TSPAN13: variants seen among roughly 807,000 people sequenced by gnomAD.
TSPAN13 encodes the protein tetraspanin 13.
A neutral mutation model predicts 26.9 loss-of-function variants in TSPAN13; 18 were observed. The observed-to-expected ratio is 0.67, with a 90% CI of 0.46 to 0.99. TSPAN13 has a LOEUF of 0.99. Among genes scored for constraint, TSPAN13 ranks in the 50% least tolerant of loss-of-function variants. TSPAN13 has a pLI of 0.00. For missense variants in TSPAN13, 201 were observed against 249.6 expected (o/e 0.81, Z 1.31); for synonymous variants, 116 against 98.4 (o/e 1.18, Z -1.06).
At chr7:16,779,875 T>C (rs991199003) in intron 5 of TSPAN13, among the ~76,000 whole-genome samples, 3 of 150,952 alleles carry the variant, frequency 2.0e-5, no homozygotes, top group Admixed American at 6.6e-5. Flanking sequence ...GGGTTCACGC[T>C]ATTCTCCTGT....
intron 1 of TSPAN13, among the ~76,000 whole-genome samples, chr7:16,768,538 A>G (rs983631800): frequency 6.6e-6 from 1 of 152,242 alleles, no homozygotes; most frequent in African/African-American, 2.4e-5. Context: ...TAAAACCCTT[A>G]TAATACTTTC....
intron 1 of TSPAN13, among the ~76,000 whole-genome samples, chr7:16,765,412 A>C (rs1784594833): frequency 6.6e-6 from 1 of 152,118 alleles, no homozygotes; most frequent in Non-Finnish European, 1.5e-5. Flanking sequence ...CCTGGCTGAG[A>C]ATTTCTATGT....
intron 5 of TSPAN13, among the ~76,000 whole-genome samples, chr7:16,779,440 G>T (rs1055409700): frequency 3.9e-5 from 6 of 151,920 alleles, no homozygotes; most frequent in African/African-American, 1.4e-4. Context: ...GAAAAGGTAG[G>T]ACATTCACAT....
At chr7:16,777,321 T>C (rs1784762280) in intron 3 of TSPAN13, among the ~76,000 whole-genome samples, 199 bp downstream of exon 3, 1 of 152,020 alleles carries the variant, frequency 6.6e-6, no homozygotes, top group Non-Finnish European at 1.5e-5. Flanking sequence ...CCATTTTCGG[T>C]ATCTTTTAAA....
chr7:16,777,603 T>C (rs941776533), intron 3 of TSPAN13, among the ~76,000 whole-genome samples, 195 bp from the exon 4 acceptor site: 1 of 152,200 alleles, frequency 6.6e-6, no homozygotes, highest in Non-Finnish European at 1.5e-5. Flanking sequence ...TGTAAAAAAT[T>C]AGGAGTTTTT....
intron 1 of TSPAN13, among the ~76,000 whole-genome samples, chr7:16,773,204 T>C (rs1784701354): frequency 1.3e-5 from 2 of 151,818 alleles, no homozygotes; most frequent in South Asian, 2.1e-4. Context: ...ATTTGTCCTA[T>C]TGTAATTTTT....
chr7:16,778,077 A>C (rs1268808532), intron 4 of TSPAN13, among the ~76,000 whole-genome samples, 166 bp downstream of exon 4: 1 of 152,210 alleles, frequency 6.6e-6, no homozygotes, highest in African/African-American at 2.4e-5. Context: ...GCCTGTTCTC[A>C]AATACCCACT....
intron 5 of TSPAN13, among the ~76,000 whole-genome samples, chr7:16,779,549 C>G (rs1784791857): frequency 6.6e-6 from 1 of 151,722 alleles, no homozygotes; most frequent in African/African-American, 2.4e-5. Context: ...CCTTCCTACA[C>G]CATTTTTCAT....
intron 5 of TSPAN13, among the ~76,000 whole-genome samples, chr7:16,780,963 GT>G: frequency 6.6e-6 from 1 of 152,092 alleles, no homozygotes; most frequent in East Asian, 1.9e-4. Context: ...CACTTTTTAA[GT>G]TTATATTTTG....
intron 1 of TSPAN13, among the ~76,000 whole-genome samples, chr7:16,760,439 A>C (rs1235709935): frequency 6.6e-6 from 1 of 152,186 alleles, no homozygotes; most frequent in Admixed American, 6.5e-5. Context: ...AGGAATTGGC[A>C]GGATAGATTT....
intron 1 of TSPAN13, among the ~76,000 whole-genome samples, chr7:16,766,537 A>G (rs1784604719): frequency 6.6e-6 from 1 of 152,210 alleles, no homozygotes; most frequent in South Asian, 2.1e-4. Flanking sequence ...CGTGTGGAGA[A>G]TCAGCAACTT....
Position 16,753,835 on chromosome 7 carries a change from C to T in TSPAN13, c.-133C>T, listed in dbSNP as rs1237194296. The T allele has an allele frequency of 5.2e-6, 5 of 956,548 alleles. No homozygotes were observed. Among genetic ancestry groups the T allele is most frequent in the Admixed American group, 2.1e-5 (1 of 48,692 alleles). The allele number at this position is 956,548 out of a possible 1,614,324, so 59.3% of individuals were successfully genotyped here. A position where few individuals can be genotyped will look rare whatever the true frequency, so the allele number is the denominator to read the frequency against. ...GCGCGCCGCGCACTGCAGCCCCAGG[C>T]CCCGGCCCCCCACCCACGTCTGCGT... On this transcript the variant is annotated 5_prime_UTR_variant, in exon 1 of 6. Coordinates refer to ENST00000262067, the MANE Select transcript of TSPAN13 (RefSeq NM_014399.4).
chr7:16,758,751 C>CAT (rs1784509481), intron 1 of TSPAN13, among the ~76,000 whole-genome samples: 1 of 146,874 alleles, frequency 6.8e-6, no homozygotes, highest in Non-Finnish European at 1.5e-5. Flanking sequence ...TTGTAATACC[C>CAT]TTTTTTTTTT....
intron 1 of TSPAN13, among the ~76,000 whole-genome samples, chr7:16,772,251 T>TA (rs1424845241): frequency 6.6e-6 from 1 of 152,166 alleles, no homozygotes; most frequent in East Asian, 1.9e-4. Context: ...CCACTGATGG[T>TA]AAAATTCCAG....
intron 1 of TSPAN13, among the ~76,000 whole-genome samples, chr7:16,767,657 C>T (rs978687902): frequency 1.3e-5 from 2 of 152,032 alleles, no homozygotes; most frequent in African/African-American, 4.8e-5. Context: ...AATTTATATT[C>T]CTACTTGTAC....
At chr7:16,783,394 TTA>T in intron 5 of TSPAN13, 21 bp from the exon 6 acceptor site, 2 of 1,605,194 alleles carry the variant, frequency 1.2e-6, no homozygotes, top group East Asian at 4.5e-5. Context: ...TTTCTTTACT[TTA>T]TTTTTTTTTC....
chr7:16,762,080 AG>A (rs1253742900), intron 1 of TSPAN13, among the ~76,000 whole-genome samples: 1 of 152,194 alleles, frequency 6.6e-6, no homozygotes, highest in Non-Finnish European at 1.5e-5. Context: ...CTAAAAAAAA[AG>A]GTAGTTGTTT....
intron 5 of TSPAN13, 41 bp downstream of exon 5, chr7:16,779,157 G>A (rs761701893): frequency 6.7e-7 from 1 of 1,495,050 alleles, no homozygotes. Context: ...TTGTCACAGA[G>A]ATTCCTGTTT....
At chr7:16,779,579 T>TA (rs945724370) in intron 5 of TSPAN13, among the ~76,000 whole-genome samples, 6 of 151,982 alleles carry the variant, frequency 3.9e-5, no homozygotes, top group Admixed American at 2.6e-4. Flanking sequence ...CCTAGCCTTC[T>TA]AAAACCTATG....
Sources: gnomAD v4.1 joint callset for allele counts (sites outside exome capture counted in the v4.1 genomes callset) on GRCh38, gnomAD v4.1.1 for gene constraint, MANE v1.5 for transcripts, NCBI Gene and HGNC (gene_info 2026-07-23, HGNC 2026-07-21) for gene names.